Variants in IRAK3 observed in about 807,000 individuals in gnomAD.
IRAK3 encodes interleukin-1 receptor-associated kinase 3.
A neutral mutation model predicts 56.6 loss-of-function variants in IRAK3; 57 were observed. That is an observed-to-expected ratio of 1.01 (90% CI 0.81 to 1.26). IRAK3 has a LOEUF of 1.26. Ranked by LOEUF, IRAK3 falls within the 50% of genes most tolerant of loss-of-function variation. IRAK3 has a pLI of 0.00. For missense variants in IRAK3, 703 were observed against 719.0 expected (o/e 0.98, Z 0.25); for synonymous variants, 258 against 255.7 (o/e 1.01, Z -0.09).
Position 66,228,194 on chromosome 12 carries a change from T to C in IRAK3, c.769-58T>C, listed in dbSNP as rs562276283. ...TTCTGGTGTATGTCTGCATAATGAA[T>C]ACATAGGTAGTTTTTACTCAGAAAG... On this transcript the variant is annotated intron_variant, in intron 7 of 11. Transcript: ENST00000261233. 4.4e-6 allele frequency: 5 copies of C among 1,144,620 alleles called. No individual in the cohort carries two copies. The South Asian group carries it at 6.1e-5, about 14-fold the overall frequency. 70.9% of individuals were successfully genotyped at this position (1,144,620 alleles called of 1,614,324 possible). A position where few individuals can be genotyped will look rare whatever the true frequency, so the allele number is the denominator to read the frequency against.
chr12:66,223,235 C>T (rs1275411943), intron 6 of IRAK3, among the ~76,000 whole-genome samples: 1 of 152,162 alleles, frequency 6.6e-6, no homozygotes, highest in Non-Finnish European at 1.5e-5. Flanking sequence ...TTCAGGCCAT[C>T]TGGATGTATA....
In IRAK3 at chr12:66,252,141, C is replaced by CT. The variant is rs940764509; in HGVS notation, c.*3973dup. ...AGGGTGAAGGGAACTGGGTCTAGAG[C>CT]TTTGCATGTTTTTTTCTGGTTAACC... is the stretch of plus-strand genomic sequence containing the variant. On this transcript the variant is annotated 3_prime_UTR_variant, in exon 12 of 12. Coordinates refer to ENST00000261233, the MANE Select transcript of IRAK3 (RefSeq NM_007199.3). 6.6e-6 allele frequency: 1 copy of CT among 152,172 alleles called. No individual in the cohort carries two copies. Among genetic ancestry groups the CT allele is most frequent in the Non-Finnish European group, 1.5e-5 (1 of 68,036 alleles). The allele number at this position is 152,172 out of a possible 1,614,324, so 9.4% of individuals were successfully genotyped here.
At chr12:66,216,449 A>G (rs1267818603) in intron 5 of IRAK3, among the ~76,000 whole-genome samples, 3 of 152,142 alleles carry the variant, frequency 2.0e-5, no homozygotes, top group Non-Finnish European at 4.4e-5. Context: ...CACCTTCTCT[A>G]GCAATTTGCA....
At chr12:66,217,815 G>A (rs1391367905) in intron 6 of IRAK3, among the ~76,000 whole-genome samples, 1 of 152,072 alleles carries the variant, frequency 6.6e-6, no homozygotes, top group Non-Finnish European at 1.5e-5. Context: ...AACTTTTTCA[G>A]ATTTTTTTTT....
At chr12:66,192,515 C>T (rs146436648) in intron 1 of IRAK3, among the ~76,000 whole-genome samples, 1 of 152,194 alleles carries the variant, frequency 6.6e-6, no homozygotes, top group Non-Finnish European at 1.5e-5. Context: ...CAGCTGACAC[C>T]GTAAAAACCT....
chr12:66,234,803 A>C (rs559822327), intron 8 of IRAK3: 1 of 1,600,924 alleles, frequency 6.2e-7, no homozygotes, highest in African/African-American at 1.3e-5. Flanking sequence ...AACTTGTCCA[A>C]ATGGTTTGAG....
intron 2 of IRAK3, among the ~76,000 whole-genome samples, chr12:66,208,590 G>C (rs1418493013): frequency 6.8e-6 from 1 of 148,092 alleles, no homozygotes; most frequent in South Asian, 2.2e-4. Context: ...GTGAAACCCT[G>C]TCTCTACTAA....
chr12:66,189,544 G>T (rs2052379630), intron 1 of IRAK3, 112 bp downstream of exon 1: 1 of 726,398 alleles, frequency 1.4e-6, no homozygotes, highest in African/African-American at 1.9e-5. Context: ...GCGGCCTCCG[G>T]GAAGTTCCCG....
intron 7 of IRAK3, 137 bp from the exon 8 acceptor site, chr12:66,228,115 G>A (rs2052806747): frequency 1.3e-6 from 1 of 776,906 alleles, no homozygotes; most frequent in South Asian, 1.4e-5. Flanking sequence ...AATAGGTTTT[G>A]GAAAACCAAA....
intron 1 of IRAK3, among the ~76,000 whole-genome samples, chr12:66,200,982 T>G (rs577041183): frequency 1.6e-4 from 25 of 152,148 alleles, no homozygotes; most frequent in South Asian, 6.2e-4. Flanking sequence ...GGCTAATTTT[T>G]GTATTTTTGT....
chr12:66,246,819 T>C (rs974824971), intron 11 of IRAK3, among the ~76,000 whole-genome samples: 10 of 152,230 alleles, frequency 6.6e-5, no homozygotes, highest in Non-Finnish European at 1.3e-4. Context: ...TGTTGTATGG[T>C]GTATTAATTA....
rs2053007984 is a variant in IRAK3, at chr12:66,244,620, T to A, written c.1022T>A (p.Met341Lys). Residue 341 changes from methionine to lysine, a missense_variant, in exon 9 of 12, where the codon ATG becomes AAG. Transcript: ENST00000261233. ...TSSSSKHLWY[M>K]PEEYIRQGKL... Reference sequence around the variant, plus strand: ...AGCAGCAGTAAACATCTGTGGTACATGCCAGAAGAGTACATCAGACAGGGG... The same window carrying A: ...AGCAGCAGTAAACATCTGTGGTACAAGCCAGAAGAGTACATCAGACAGGGG... 1 of 1,614,042 alleles carries A rather than the reference T, an allele frequency of 6.2e-7. No individual in the cohort carries two copies. Among genetic ancestry groups the A allele is most frequent in the South Asian group, 1.1e-5 (1 of 91,070 alleles).
intron 5 of IRAK3, among the ~76,000 whole-genome samples, chr12:66,214,539 A>AAAAACAAAACAAAACAAAAC (rs71096078): frequency 0.015 from 2,227 of 147,966 alleles, 25 homozygotes; most frequent in East Asian, 0.053. Flanking sequence ...AGACCCTATC[A>AAAAACAAAACAAAACAAAAC]AAAACAAAAC....
intron 5 of IRAK3, among the ~76,000 whole-genome samples, chr12:66,214,239 G>A (rs1168596464): frequency 5.3e-5 from 8 of 151,928 alleles, no homozygotes; most frequent in Non-Finnish European, 1.0e-4. Flanking sequence ...CTAGCTGGAG[G>A]CAGGCTGGGC....
At chr12:66,215,532 C>T (rs376418040) in intron 5 of IRAK3, among the ~76,000 whole-genome samples, 1 of 152,124 alleles carries the variant, frequency 6.6e-6, no homozygotes, top group South Asian at 2.1e-4. Flanking sequence ...TCTTTGTATC[C>T]TAGTGCCTTA....
intron 8 of IRAK3, among the ~76,000 whole-genome samples, chr12:66,236,792 A>T (rs2052913174): frequency 1.3e-5 from 2 of 152,064 alleles, no homozygotes; most frequent in East Asian, 3.9e-4. Context: ...GGAGAACGTG[A>T]CCCTGTATTC....
In IRAK3 at chr12:66,247,774, G is replaced by A. The variant is rs112027335; in HGVS notation, c.1394G>A (p.Cys465Tyr). ...DPPTSLKSFR[C>Y]PSPLFLENVP... ...CCCACATCACTAAAGTCCTTCAGGT[G>A]TCCTTCTCCTCTATTCCTGGAGAAT... The change falls in exon 12 of 12, where the codon TGT (cysteine) becomes TAT (tyrosine). Residue 465 changes from cysteine (C) to tyrosine (Y), a missense_variant. By Grantham distance (194) the Cys-to-Tyr change is radical (BLOSUM62 -2). Transcript: ENST00000261233. The A allele has an allele frequency of 4.3e-6, 7 of 1,614,062 alleles. No individual in the cohort carries two copies. The African/African-American group carries it at 6.7e-5, about 15-fold the overall frequency.
chr12:66,191,711 C>T (rs2052401528), intron 1 of IRAK3, among the ~76,000 whole-genome samples: 1 of 152,084 alleles, frequency 6.6e-6, no homozygotes. Flanking sequence ...CCTGTGGGCA[C>T]AGCGAAGGGA....
intron 8 of IRAK3, among the ~76,000 whole-genome samples, chr12:66,229,041 T>C (rs534009471): frequency 3.9e-5 from 6 of 152,326 alleles, no homozygotes; most frequent in Admixed American, 1.3e-4. Context: ...ATTTATGTAC[T>C]TTTTTTAAAA....
Sources: gnomAD v4.1 joint callset for allele counts (sites outside exome capture counted in the v4.1 genomes callset) on GRCh38, gnomAD v4.1.1 for gene constraint, MANE v1.5 for transcripts, NCBI Gene and HGNC (gene_info 2026-07-23, HGNC 2026-07-21) for gene names.